The following NAV3 variants were observed in gnomAD, a reference collection of about 807,000 sequenced individuals.
The protein encoded by NAV3 is neuron navigator 3.
In NAV3, 87 loss-of-function variants were observed where a neutral mutation model predicts 244.7. That is an observed-to-expected ratio of 0.36 (90% CI 0.30 to 0.42). The LOEUF is 0.42. Among genes scored for constraint, NAV3 ranks in the 20% least tolerant of loss-of-function variants. The pLI is 1.00. For synonymous variants in NAV3, 1,126 were observed against 1,042.2 expected (o/e 1.08, Z -1.55); for missense variants, 2,663 against 2,893.3 (o/e 0.92, Z 1.83).
chr12:77,759,002 G>T (rs1325170543), intron 2 of NAV3, among the ~76,000 whole-genome samples: 1 of 152,054 alleles, frequency 6.6e-6, no homozygotes, highest in Non-Finnish European at 1.5e-5. Context: ...AGCTGATGTG[G>T]TCTCAATTTG....
intron 12 of NAV3, among the ~76,000 whole-genome samples, chr12:78,064,268 A>C (rs903383695): frequency 6.6e-6 from 1 of 152,146 alleles, no homozygotes; most frequent in African/African-American, 2.4e-5. Context: ...GGAGGCTAGA[A>C]GTTTATGATC....
chr12:77,677,445 TA>T (rs1161406803), intron 2 of NAV3, among the ~76,000 whole-genome samples: 1 of 152,236 alleles, frequency 6.6e-6, no homozygotes, highest in Admixed American at 6.5e-5. Context: ...GTTGCCATCT[TA>T]AAATTCTTAA....
chr12:78,140,213 T>G, intron 19 of NAV3, 69 bp from the exon 20 acceptor site: 1 of 1,318,152 alleles, frequency 7.6e-7, no homozygotes, highest in East Asian at 2.3e-5. Context: ...CTTTACTTTT[T>G]CTGTAAAGGC....
At chr12:77,699,921 G>T (rs192306999) in intron 2 of NAV3, among the ~76,000 whole-genome samples, 65 of 152,064 alleles carry the variant, frequency 4.3e-4, no homozygotes, top group Admixed American at 3.9e-3. Context: ...AAATGTTGAA[G>T]AAATTGCAGC....
intron 9 of NAV3, chr12:78,037,269 A>G: frequency 1.4e-6 from 1 of 703,020 alleles, no homozygotes; most frequent in Non-Finnish European, 2.6e-6. Flanking sequence ...CATCAGCAGA[A>G]GCTGGGCTGA....
rs549744071 is a variant in NAV3 at position 77,620,076 on chromosome 12, C to A, written c.72+47810C>A. Among the ~76,000 whole-genome samples, 5 of 152,184 alleles carry A rather than the reference C, an allele frequency of 3.3e-5. No individual in the cohort carries two copies. In the East Asian group the frequency reaches 7.7e-4, roughly 24 times the overall value. On this transcript the variant is annotated intron_variant, in intron 2 of 8. Transcript: ENST00000550042. ...TTCATTTGGAGAGGACTTTTTAGAA[C>A]AAGTAATAAAAATAAGTATAATTTT...
intron 1 of NAV3, among the ~76,000 whole-genome samples, chr12:77,922,623 T>C (rs981418971): frequency 4.6e-5 from 7 of 152,146 alleles, no homozygotes; most frequent in Non-Finnish European, 1.5e-5. Context: ...GCATTGACTT[T>C]ACTCTTGTCC....
upstream of NAV3, among the ~76,000 whole-genome samples, chr12:77,826,935 T>A (rs1002731288): frequency 6.6e-6 from 1 of 152,186 alleles, no homozygotes. Flanking sequence ...AAAATAGGAA[T>A]GTGAGACCAG....
At chr12:78,126,793 G>A (rs964235761) in intron 16 of NAV3, among the ~76,000 whole-genome samples, 9 of 152,078 alleles carry the variant, frequency 5.9e-5, no homozygotes, top group African/African-American at 2.2e-4. Context: ...CTCTAACTTA[G>A]CCAGAGCAGA....
chr12:77,651,946 G>C (rs907696092), intron 2 of NAV3, among the ~76,000 whole-genome samples: 1 of 152,146 alleles, frequency 6.6e-6, no homozygotes, highest in Non-Finnish European at 1.5e-5. Context: ...GGGAAAGGAA[G>C]GGTACTAGTG....
intron 2 of NAV3, among the ~76,000 whole-genome samples, chr12:77,691,573 A>G (rs1358649471): frequency 1.3e-5 from 2 of 151,300 alleles, no homozygotes; most frequent in African/African-American, 2.4e-5. Flanking sequence ...TTCATAGTAT[A>G]GACAGATTAA....
chr12:77,993,644 G>T (rs542645942), intron 5 of NAV3, among the ~76,000 whole-genome samples: 1 of 152,260 alleles, frequency 6.6e-6, no homozygotes, highest in African/African-American at 2.4e-5. Flanking sequence ...CCACCAACTA[G>T]CTCAGTGTAG....
chr12:77,939,954 G>A (rs1017627030), intron 1 of NAV3, among the ~76,000 whole-genome samples: 2 of 152,106 alleles, frequency 1.3e-5, no homozygotes, highest in African/African-American at 4.8e-5. Context: ...ATCAGTCCAG[G>A]TGGGTTTCTT....
intron 2 of NAV3, among the ~76,000 whole-genome samples, chr12:77,648,443 G>A (rs1872692769): frequency 6.6e-6 from 1 of 152,046 alleles, no homozygotes; most frequent in South Asian, 2.1e-4. Context: ...TTTAATAGCA[G>A]TATTTATATC....
At chr12:78,140,451 G>A (rs1386324155) in intron 20 of NAV3, 117 bp downstream of exon 20, 2 of 930,784 alleles carry the variant, frequency 2.1e-6, no homozygotes, top group African/African-American at 1.6e-5. Context: ...GAGTTGTGTA[G>A]CAAAATAACG....
At chr12:77,769,725 T>A (rs914112229) in intron 2 of NAV3, among the ~76,000 whole-genome samples, 2 of 152,230 alleles carry the variant, frequency 1.3e-5, no homozygotes, top group African/African-American at 4.8e-5. Flanking sequence ...ACTGCCATTA[T>A]GGAAAGTCGG....
At chr12:77,576,329 A>T (rs1213376062) in intron 2 of NAV3, among the ~76,000 whole-genome samples, 4 of 152,038 alleles carry the variant, frequency 2.6e-5, no homozygotes, top group African/African-American at 9.7e-5. Flanking sequence ...TAGAGAAAGC[A>T]TCACCTTCAA....
At chr12:78,049,957 GT>G (rs1356446290) in intron 9 of NAV3, 35 bp from the exon 10 acceptor site, 2 of 1,469,034 alleles carry the variant, frequency 1.4e-6, no homozygotes, top group Admixed American at 3.8e-5. Context: ...GATACTAAAT[GT>G]CATGAATAGC....
chr12:77,774,072 T>C (rs1480078233), intron 2 of NAV3, among the ~76,000 whole-genome samples: 2 of 152,216 alleles, frequency 1.3e-5, no homozygotes. Context: ...TTTACATTAA[T>C]ACTACTGAGA....
Sources: allele counts gnomAD v4.1 joint callset (sites outside exome capture counted in the v4.1 genomes callset), GRCh38; gene constraint gnomAD v4.1.1; transcripts MANE v1.5; gene names NCBI Gene and HGNC (gene_info 2026-07-23, HGNC 2026-07-21).